Variants in APOBR observed in about 807,000 individuals in gnomAD.
APOBR encodes the protein apolipoprotein B receptor.
Under a neutral mutation model 88.5 loss-of-function variants are expected in APOBR, and 57 were observed. That is an observed-to-expected ratio of 0.64 (90% CI 0.52 to 0.80). The LOEUF is 0.80. APOBR is among the 30% of genes least tolerant of loss of function. The pLI is 0.00. For missense variants in APOBR, 1,443 were observed against 1,401.6 expected, an observed-to-expected ratio of 1.03 and a Z score of -0.47; for synonymous variants, 588 against 572.7, an observed-to-expected ratio of 1.03 and a Z score of -0.38.
Position 28,498,499 on chromosome 16 carries a change from C to G in APOBR, c.3288C>G (p.Pro1096=), listed in dbSNP as rs1218756551. Residue 1096 remains proline (P), a synonymous_variant, in exon 4 of 4, where the codon CCC becomes CCG. Coordinates refer to ENST00000564831, the MANE Select transcript of APOBR (RefSeq NM_018690.4). ...ELQARLGRPK[P]Q Reference sequence around the variant, plus strand: ...AAGCCCGTCTGGGCCGGCCTAAGCCCCAGTGACTGAGACCCGGTGCTCTGG... The same window carrying G: ...AAGCCCGTCTGGGCCGGCCTAAGCCGCAGTGACTGAGACCCGGTGCTCTGG... The G allele has an allele frequency of 6.3e-7, 1 of 1,596,338 alleles. No individual in the cohort carries two copies. Among genetic ancestry groups the G allele is most frequent in the African/African-American group, 1.3e-5 (1 of 74,700 alleles).
rs971018613 is a variant in APOBR at position 28,495,986 on chromosome 16, C to T, written c.945C>T (p.Gly315=). 1.1e-5 allele frequency: 16 copies of T among 1,509,210 alleles called. No homozygotes were observed. In the Admixed American group the frequency reaches 2.1e-4, roughly 20 times the overall value. 93.5% of individuals were successfully genotyped at this position (1,509,210 alleles called of 1,614,324 possible). The change falls in exon 2 of 4, where the codon GGC becomes GGT. Residue 315 remains glycine (G), a synonymous_variant. Transcript: ENST00000564831. ...GGGAGGAGGCTGAGACAGCCTCAGG[C>T]GGGGAGGAGGCTGAAACAGCCTCAG... ...SGGEEAETAS[G]GEEAETASGG...
rs372767995 is a variant in APOBR at position 28,495,050 on chromosome 16, G to T, written c.58-49G>T. The stretch of plus-strand genomic sequence containing the variant: ...TCCAGCCAGGGCCCCCAGGGAAAGG[G>T]CTGGGACTCTCCTCAATGACTCTCC... On this transcript the variant is annotated intron_variant, in intron 1 of 3. Coordinates refer to ENST00000564831, the MANE Select transcript of APOBR (RefSeq NM_018690.4). The T allele has an allele frequency of 1.2e-4, 168 of 1,446,146 alleles. 2 individuals are homozygous for T. The East Asian group carries it at 3.9e-3, about 33-fold the overall frequency. 89.6% of individuals were successfully genotyped at this position (1,446,146 alleles called of 1,614,324 possible). A position where few individuals can be genotyped will look rare whatever the true frequency, so the allele number is the denominator to read the frequency against.
Position 28,498,447 on chromosome 16 carries a change from C to CG in APOBR, c.3237dup (p.His1080AlafsTer16). On this transcript the variant is annotated frameshift_variant, in exon 4 of 4. Transcript: ENST00000564831. LOFTEE classifies it high-confidence loss of function. ...ACTTCCGCCTCCAGGTTTGGCCTCGCGCACCCTGGCATGATGCAGGAGCTG... is the reference window on the plus strand; with the variant it reads ...ACTTCCGCCTCCAGGTTTGGCCTCGCGGCACCCTGGCATGATGCAGGAGCTG... 1 of 1,602,112 alleles carries CG rather than the reference C, an allele frequency of 6.2e-7. No individual in the cohort carries two copies. The highest frequency in any genetic ancestry group is 1.1e-5 in the South Asian group (1 of 88,630).
chr16:28,495,769 G>A lies in APOBR; in HGVS notation c.728G>A (p.Gly243Glu), dbSNP rs766539785. The change falls in exon 2 of 4, where the codon GGG becomes GAG. Residue 243 changes from glycine to glutamate, a missense_variant. Physicochemically the swap from Gly to Glu is moderately conservative, Grantham distance 98 (BLOSUM62 -2). Coordinates refer to ENST00000564831, the MANE Select transcript of APOBR (RefSeq NM_018690.4). The part of the protein sequence containing the change: ...AGETEEPGAE[G>E]AGKGEEVVVV... ...GAAACTGAGGAGCCTGGGGCCGAAG[G>A]GGCTGGGAAAGGAGAAGAGGTGGTA... is the stretch of plus-strand genomic sequence containing the variant. 26 of 1,569,336 alleles carry A rather than the reference G, an allele frequency of 1.7e-5. No individual in the cohort carries two copies. The highest frequency in any genetic ancestry group is 1.7e-4 in the Middle Eastern group (1 of 5,972).
In APOBR at chr16:28,498,357, C is replaced by T; in HGVS notation, c.3224+8C>T. 1 of 1,595,704 alleles carries T rather than the reference C, an allele frequency of 6.3e-7. No individual in the cohort carries two copies. Among genetic ancestry groups the T allele is most frequent in the East Asian group, 2.3e-5 (1 of 44,358 alleles). ...AAGGCCCCTGGGACACGGGTAGGCACAGGGCAACTCAGCTGGGGTGGGGAA... is the reference window on the plus strand; with the variant it reads ...AAGGCCCCTGGGACACGGGTAGGCATAGGGCAACTCAGCTGGGGTGGGGAA... On this transcript the variant is annotated splice_region_variant and intron_variant, in intron 3 of 3. Transcript: ENST00000564831.
In APOBR at chr16:28,495,296, A is replaced by T; in HGVS notation, c.255A>T (p.Gly85=). 6.5e-7 allele frequency: 1 copy of T among 1,535,464 alleles called. No individual in the cohort carries two copies. Among genetic ancestry groups the T allele is most frequent in the South Asian group, 1.2e-5 (1 of 80,064 alleles). Residue 85 remains glycine, a synonymous_variant, in exon 2 of 4, where the codon GGA becomes GGT. Transcript: ENST00000564831. ...NEGAGRLRGP[G]DDRRHEVGSS... Reference sequence around the variant, plus strand: ...GGGCTGGAAGGCTGAGAGGGCCTGGAGATGACAGAAGACATGAAGTGGGGA... The same window carrying T: ...GGGCTGGAAGGCTGAGAGGGCCTGGTGATGACAGAAGACATGAAGTGGGGA...
Position 28,497,604 on chromosome 16 carries a change from C to T in APOBR, c.2563C>T (p.Leu855=). 6.2e-7 allele frequency: 1 copy of T among 1,605,328 alleles called. No homozygotes were observed. The highest frequency in any genetic ancestry group is 8.5e-7 in the Non-Finnish European group (1 of 1,176,040). Residue 855 remains leucine (L), a synonymous_variant, in exon 2 of 4, where the codon CTG becomes TTG. Coordinates refer to ENST00000564831, the MANE Select transcript of APOBR (RefSeq NM_018690.4). ...ESAGAEDSCG[L]DPAGSQTARA... ...TGCAGGCGCAGAGGACAGCTGTGGG[C>T]TGGATCCCGCGGGCTCCCAGACAGC... is the stretch of plus-strand genomic sequence containing the variant.
chr16:28,495,938 G>A lies in APOBR; in HGVS notation c.897G>A (p.Glu299=). Residue 299 remains glutamate (E), a synonymous_variant, in exon 2 of 4, where the codon GAG becomes GAA. Transcript: ENST00000564831. ...AGGCCAGGGCAATTTTAGATGGGGA[G>A]GAAGCCAGGACAATCTCAGGCGGGG... ...REEARAILDG[E]EARTISGGEE... is the part of the protein sequence containing the mutation. 1.2e-6 allele frequency: 2 copies of A among 1,613,312 alleles called. No homozygotes were observed. The highest frequency in any genetic ancestry group is 1.7e-6 in the Non-Finnish European group (2 of 1,179,680).
In APOBR at chr16:28,497,465, A is replaced by AT; in HGVS notation, c.2427dup (p.Gly810TrpfsTer21). The AT allele has an allele frequency of 1.2e-6, 2 of 1,613,952 alleles. No homozygotes were observed. Among genetic ancestry groups the AT allele is most frequent in the Non-Finnish European group, 1.7e-6 (2 of 1,179,870 alleles). ...CAGGAGAGCATGCAGGTGGGCAAGA[A>AT]TTTGGTCTGGAGGGCTCAGCAGAGG... On this transcript the variant is annotated frameshift_variant, in exon 2 of 4. Coordinates refer to ENST00000564831, the MANE Select transcript of APOBR (RefSeq NM_018690.4). LOFTEE classifies it high-confidence loss of function.
At position 28,498,091 on chromosome 16, in the gene APOBR, C is replaced by T. The variant is rs765533147; in HGVS notation, c.2966C>T (p.Pro989Leu). The T allele has an allele frequency of 7.1e-6, 11 of 1,553,330 alleles. No homozygotes were observed. In the East Asian group the frequency reaches 2.5e-4, roughly 35 times the overall value. Residue 989 changes from proline to leucine, a missense_variant, in exon 3 of 4, where the codon CCC becomes CTC. Coordinates refer to ENST00000564831, the MANE Select transcript of APOBR (RefSeq NM_018690.4). ...CCCCCTTTCCTGCAGGCCCCGCTCCCCGGGTCCCTCCTAGACGTCTCTGTC... is the reference window on the plus strand; with the variant it reads ...CCCCCTTTCCTGCAGGCCCCGCTCCTCGGGTCCCTCCTAGACGTCTCTGTC... ...AANSWSEAPLPGSLLDVSVPR... is the reference protein window; with the variant it reads ...AANSWSEAPLLGSLLDVSVPR...
chr16:28,494,831 T>C, intron 1 of APOBR, 93 bp downstream of exon 1: 1 of 1,207,428 alleles, frequency 8.3e-7, no homozygotes, highest in Non-Finnish European at 1.2e-6. Context: ...TTTCCCCTCC[T>C]CCTTCTGATC....
rs754136783 is a variant in APOBR at position 28,498,170 on chromosome 16, C to T, written c.3045C>T (p.Pro1015=). ...SRSSSQRRSR[P]SFRRTPAWEQ... Reference sequence around the variant, plus strand: ...GCTCCTCACAGCGTCGCTCCCGGCCCTCTTTTCGTCGGACTCCGGCCTGGG... The same window carrying T: ...GCTCCTCACAGCGTCGCTCCCGGCCTTCTTTTCGTCGGACTCCGGCCTGGG... The change falls in exon 3 of 4, where the codon CCC becomes CCT. Residue 1015 remains proline, a synonymous_variant. Transcript: ENST00000564831. 2 of 1,602,174 alleles carry T rather than the reference C, an allele frequency of 1.2e-6. No homozygotes were observed. Among genetic ancestry groups the T allele is most frequent in the Admixed American group, 1.7e-5 (1 of 59,620 alleles).
At position 28,496,323 on chromosome 16, in the gene APOBR, C is replaced by T. The variant is rs180743; in HGVS notation, c.1282C>T (p.Pro428Ser). 6.3e-7 allele frequency: 1 copy of T among 1,582,432 alleles called. No individual in the cohort carries two copies. The highest frequency in any genetic ancestry group is 8.6e-7 in the Non-Finnish European group (1 of 1,164,800). ...TGAGGTGAGCCCTTTCCCCAAACAG[C>T]CCCAGGTCCTGGGCACTGAAAGAAC... is the stretch of plus-strand genomic sequence containing the variant. Reference protein sequence around the residue: ...EAEVSPFPKQPQVLGTERTEE... With the variant: ...EAEVSPFPKQSQVLGTERTEE... The change falls in exon 2 of 4, where the codon CCC becomes TCC. Residue 428 changes from proline to serine, a missense_variant. Coordinates refer to ENST00000564831, the MANE Select transcript of APOBR (RefSeq NM_018690.4).
Position 28,495,996 on chromosome 16 carries a change from G to A in APOBR, c.955G>A (p.Ala319Thr), listed in dbSNP as rs1347376554. Residue 319 changes from alanine (A) to threonine (T), a missense_variant, in exon 2 of 4, where the codon GCT becomes ACT. Coordinates refer to ENST00000564831, the MANE Select transcript of APOBR (RefSeq NM_018690.4). ...TGAGACAGCCTCAGGCGGGGAGGAG[G>A]CTGAAACAGCCTCAGGCGGGGAGGA... ...EAETASGGEEAETASGGEEAG... is the reference protein window; with the variant it reads ...EAETASGGEETETASGGEEAG... 1.2e-6 allele frequency: 2 copies of A among 1,604,584 alleles called. No homozygotes were observed. The highest frequency in any genetic ancestry group is 1.1e-5 in the South Asian group (1 of 90,576).
intron 1 of APOBR, 113 bp from the exon 2 acceptor site, chr16:28,494,986 C>T (rs2046377827): frequency 8.8e-7 from 1 of 1,131,042 alleles, no homozygotes; most frequent in Admixed American, 3.0e-5. Flanking sequence ...TCTTCTTCTC[C>T]TTTCAGATCC....
rs1203211715 is a variant in APOBR at position 28,495,707 on chromosome 16, G to A, written c.666G>A (p.Arg222=). 6.5e-7 allele frequency: 1 copy of A among 1,531,366 alleles called. No homozygotes were observed. Among genetic ancestry groups the A allele is most frequent in the East Asian group, 2.4e-5 (1 of 41,110 alleles). 94.9% of individuals were successfully genotyped at this position (1,531,366 alleles called of 1,614,324 possible). ...AVGPKAAGDN[R]EMEQGVREAD... is the part of the protein sequence containing the mutation. ...GGCCAAAGGCGGCAGGGGACAACCG[G>A]GAGATGGAGCAGGGGGTCAGGGAGG... Residue 222 remains arginine, a synonymous_variant, in exon 2 of 4, where the codon CGG becomes CGA. Transcript: ENST00000564831.
rs200346089 is a variant in APOBR at position 28,495,708 on chromosome 16, G to A, written c.667G>A (p.Glu223Lys). 1,017 of 1,531,326 alleles carry A rather than the reference G, an allele frequency of 6.6e-4. 1 individual carries two copies. The highest frequency in any genetic ancestry group is 8.4e-4 in the Non-Finnish European group (957 of 1,136,508). The allele number at this position is 1,531,326 out of a possible 1,614,324, so 94.9% of individuals were successfully genotyped here. A position where few individuals can be genotyped will look rare whatever the true frequency, so the allele number is the denominator to read the frequency against. Residue 223 changes from glutamate to lysine, a missense_variant, in exon 2 of 4, where the codon GAG (glutamate) becomes AAG (lysine). Transcript: ENST00000564831. ...GCCAAAGGCGGCAGGGGACAACCGG[G>A]AGATGGAGCAGGGGGTCAGGGAGGC... ...VGPKAAGDNR[E>K]MEQGVREADA... is the part of the protein sequence containing the mutation.
Position 28,497,847 on chromosome 16 carries a change from G to A in APOBR, c.2806G>A (p.Glu936Lys). 3 of 1,610,966 alleles carry A rather than the reference G, an allele frequency of 1.9e-6. No individual in the cohort carries two copies. Among genetic ancestry groups the A allele is most frequent in the Non-Finnish European group, 2.5e-6 (3 of 1,178,660 alleles). ...GGRRAEAKET[E>K]PESLEHVRGQ... ...CCGGAGGGCAGAGGCCAAGGAGACT[G>A]AGCCAGAAAGCCTGGAACATGTCAG... The change falls in exon 2 of 4, where the codon GAG becomes AAG. Residue 936 changes from glutamate to lysine, a missense_variant. Coordinates refer to ENST00000564831, the MANE Select transcript of APOBR (RefSeq NM_018690.4).
rs750402083 is a variant in APOBR at position 28,497,872 on chromosome 16, G to A, written c.2831G>A (p.Arg944Lys). 1 of 1,612,704 alleles carries A rather than the reference G, an allele frequency of 6.2e-7. No individual in the cohort carries two copies. Among genetic ancestry groups the A allele is most frequent in the East Asian group, 2.2e-5 (1 of 44,844 alleles). ...ETEPESLEHV[R>K]GQEEQPTHQA... ...GAGCCAGAAAGCCTGGAACATGTCAGGGGCCAGGAGGAGCAGCCAACACAC... is the reference window on the plus strand; with the variant it reads ...GAGCCAGAAAGCCTGGAACATGTCAAGGGCCAGGAGGAGCAGCCAACACAC... Residue 944 changes from arginine to lysine, a missense_variant, in exon 2 of 4, where the codon AGG becomes AAG. Physicochemically the swap from Arg to Lys is conservative, Grantham distance 26 (BLOSUM62 2). Transcript: ENST00000564831.
Sources: allele counts gnomAD v4.1 joint callset, GRCh38; gene constraint gnomAD v4.1.1; transcripts MANE v1.5; gene names NCBI Gene and HGNC (gene_info 2026-07-23, HGNC 2026-07-21).